The following DIPK1C variants were observed in gnomAD, a reference collection of about 807,000 sequenced individuals.
DIPK1C encodes the protein divergent protein kinase domain 1C.
In DIPK1C, 33 loss-of-function variants were observed where a neutral mutation model predicts 28.0. The observed-to-expected ratio is 1.18, with a 90% CI of 0.89 to 1.58. DIPK1C has a LOEUF of 1.58. Among genes scored for constraint, DIPK1C ranks in the 40% most tolerant of loss-of-function variants. DIPK1C has a pLI of 0.00. For synonymous variants in DIPK1C, 255 were observed against 248.8 expected (o/e 1.02, Z -0.23); for missense variants, 569 against 568.5 (o/e 1.00, Z -0.01).
At chr18:74,453,798 G>A (rs920667936) in intron 1 of DIPK1C, among the ~76,000 whole-genome samples, 3 of 152,180 alleles carry the variant, frequency 2.0e-5, no homozygotes, top group African/African-American at 4.8e-5. Context: ...CATATTCACC[G>A]TGTGAAGCAG....
intron 3 of DIPK1C, among the ~76,000 whole-genome samples, chr18:74,441,193 C>T (rs1438359590): frequency 1.3e-5 from 2 of 152,168 alleles, no homozygotes; most frequent in East Asian, 1.9e-4. Context: ...GTGGAGGGCC[C>T]ACTAGGGGAG....
At position 74,446,752 on chromosome 18, in the gene DIPK1C, C is replaced by A. The variant is rs1293808194; in HGVS notation, c.730G>T (p.Ala244Ser). Residue 244 changes from alanine to serine, a missense_variant, in exon 2 of 4, where the codon GCC (alanine) becomes TCC (serine). Coordinates refer to ENST00000343998, the MANE Select transcript of DIPK1C (RefSeq NM_001044369.3). ...GCCTTGGCCTGGCCACCCCCAGGGG[C>A]ACCTGGGGCCCGGTCCAGGGGGAAG... ...ALFPLDRAPGAPGGGQAKAIS... is the reference protein window; with the variant it reads ...ALFPLDRAPGSPGGGQAKAIS... 6.5e-7 allele frequency: 1 copy of A among 1,528,688 alleles called. No homozygotes were observed. Among genetic ancestry groups the A allele is most frequent in the Admixed American group, 2.1e-5 (1 of 46,780 alleles). 94.7% of individuals were successfully genotyped at this position (1,528,688 alleles called of 1,614,324 possible). A position where few individuals can be genotyped will look rare whatever the true frequency, so the allele number is the denominator to read the frequency against.
chr18:74,441,932 G>A lies in DIPK1C; in HGVS notation c.1041+20C>T. 6.2e-7 allele frequency: 1 copy of A among 1,608,862 alleles called. No individual in the cohort carries two copies. The highest frequency in any genetic ancestry group is 2.2e-5 in the East Asian group (1 of 44,770). ...CCAAAGAGCACCCTCTCCTCCCCCA[G>A]CCCTGGCGGACTCTCATACCTGCAG... On this transcript the variant is annotated intron_variant, in intron 3 of 3. Coordinates refer to ENST00000343998, the MANE Select transcript of DIPK1C (RefSeq NM_001044369.3).
At chr18:74,442,352 G>A (rs12968866) in intron 2 of DIPK1C, among the ~76,000 whole-genome samples, 29,884 of 151,676 alleles carry the variant, frequency 0.2, 3,619 homozygotes, top group Middle Eastern at 0.32. Context: ...TAATTGAGAC[G>A]GAGTCTCACT....
At chr18:74,446,563 G>C (rs1986264767) in intron 2 of DIPK1C, 43 bp downstream of exon 2, 1 of 1,394,564 alleles carries the variant, frequency 7.2e-7, no homozygotes, top group Non-Finnish European at 9.4e-7. Context: ...AGACCCGAGA[G>C]CTCCGTTCTC....
chr18:74,447,164 G>A lies in DIPK1C; in HGVS notation c.318C>T (p.Ala106=), dbSNP rs142998403. The stretch of plus-strand genomic sequence containing the variant: ...GGACCACGGGCCGGCCGCGCCAGTC[G>A]GCCTGCAGCACCTTCTTGCCTCTGT... ...HYNRGKKVLQ[A]DWRGRPVVLK... The change falls in exon 2 of 4, where the codon GCC becomes GCT. Residue 106 remains alanine, a synonymous_variant. Transcript: ENST00000343998. The surrounding 1 kb of genome is among the most constrained non-coding windows in gnomAD (Gnocchi z 4.1). The A allele has an allele frequency of 2.0e-5, 31 of 1,550,540 alleles. No homozygotes were observed. Among genetic ancestry groups the A allele is most frequent in the East Asian group, 2.0e-4 (8 of 40,910 alleles).
At chr18:74,449,250 A>C (rs1409390142) in intron 1 of DIPK1C, among the ~76,000 whole-genome samples, 1 of 152,220 alleles carries the variant, frequency 6.6e-6, no homozygotes, top group Non-Finnish European at 1.5e-5. Context: ...GTGAATTCGC[A>C]TACATTTTGC....
chr18:74,438,545 A>C (rs1268181229), intron 3 of DIPK1C, among the ~76,000 whole-genome samples: 2 of 152,250 alleles, frequency 1.3e-5, no homozygotes, highest in Non-Finnish European at 2.9e-5. Flanking sequence ...CAAACGCCAC[A>C]GATTCATTTT....
rs36019278 is a variant in DIPK1C, at chr18:74,452,592, T to TA, written c.198+4469dup. ...GCAAGACCCCTGTCTCTACAAAAAT[T>TA]AAAAAAAAAAAAAAATTAGCTGGGC... On this transcript the variant is annotated intron_variant, in intron 1 of 3. Transcript: ENST00000343998. Among the ~76,000 whole-genome samples, 305 of 138,932 alleles carry TA rather than the reference T, an allele frequency of 2.2e-3. 1 individual carries two copies. Among genetic ancestry groups the TA allele is most frequent in the African/African-American group, 5.8e-3 (218 of 37,678 alleles). The allele number at this position is 138,932 out of a possible 152,430, so 91.1% of individuals were successfully genotyped here. A position where few individuals can be genotyped will look rare whatever the true frequency, so the allele number is the denominator to read the frequency against.
upstream of DIPK1C, among the ~76,000 whole-genome samples, chr18:74,462,550 G>T (rs981457960): frequency 6.6e-6 from 1 of 151,768 alleles, no homozygotes; most frequent in Non-Finnish European, 1.5e-5. Flanking sequence ...TTTGGCTATT[G>T]TACACTGTGT....
Position 74,446,756 on chromosome 18 carries a change from T to C in DIPK1C, c.726A>G (p.Pro242=). The C allele has an allele frequency of 6.5e-7, 1 of 1,526,734 alleles. No homozygotes were observed. The highest frequency in any genetic ancestry group is 8.8e-7 in the Non-Finnish European group (1 of 1,134,602). 94.6% of individuals were successfully genotyped at this position (1,526,734 alleles called of 1,614,324 possible). ...HRALFPLDRA[P]GAPGGGQAKA... ...TGGCCTGGCCACCCCCAGGGGCACCTGGGGCCCGGTCCAGGGGGAAGAGTG... is the reference window on the plus strand; with the variant it reads ...TGGCCTGGCCACCCCCAGGGGCACCCGGGGCCCGGTCCAGGGGGAAGAGTG... The change falls in exon 2 of 4, where the codon CCA becomes CCG. Residue 242 remains proline (P), a synonymous_variant. Coordinates refer to ENST00000343998, the MANE Select transcript of DIPK1C (RefSeq NM_001044369.3).
At chr18:74,440,423 T>A (rs73972905) in intron 3 of DIPK1C, among the ~76,000 whole-genome samples, 193 of 152,300 alleles carry the variant, frequency 1.3e-3, no homozygotes, top group African/African-American at 4.4e-3. Context: ...AGAGAAGTAA[T>A]TCATTACAAT....
At chr18:74,458,385 A>G (rs1986565280), upstream of DIPK1C, among the ~76,000 whole-genome samples, 1 of 152,116 alleles carries the variant, frequency 6.6e-6, no homozygotes, top group Non-Finnish European at 1.5e-5. Flanking sequence ...GAGTTTAGAG[A>G]TAATAGAAAC....
intron 1 of DIPK1C, among the ~76,000 whole-genome samples, chr18:74,455,720 C>A (rs1986493162): frequency 2.7e-5 from 2 of 74,374 alleles, no homozygotes; most frequent in African/African-American, 5.4e-5. Context: ...AAGAGCAAAA[C>A]TCCATAAAAA....
chr18:74,435,850 C>A lies in DIPK1C; in HGVS notation c.*651G>T, dbSNP rs1188995197. 1 of 152,532 alleles carries A rather than the reference C, an allele frequency of 6.6e-6. No individual in the cohort carries two copies. The highest frequency in any genetic ancestry group is 1.5e-5 in the Non-Finnish European group (1 of 68,104). The allele number at this position is 152,532 out of a possible 1,614,324, so 9.4% of individuals were successfully genotyped here. On this transcript the variant is annotated 3_prime_UTR_variant, in exon 4 of 4. Coordinates refer to ENST00000343998, the MANE Select transcript of DIPK1C (RefSeq NM_001044369.3). ...CACCACTCCCCACCCTAACCCACAT[C>A]CCCAACACACTCACCTGCCCACACT...
At chr18:74,463,224 C>A in the DIPK1C span, among the ~76,000 whole-genome samples, 2 of 152,140 alleles carry the variant, frequency 1.3e-5, no homozygotes, top group Admixed American at 1.3e-4. Context: ...AGATGCTGAA[C>A]GTTATTTGCT....
chr18:74,454,993 C>T (rs982525656), intron 1 of DIPK1C, among the ~76,000 whole-genome samples: 6 of 152,158 alleles, frequency 3.9e-5, no homozygotes, highest in South Asian at 2.1e-4. Flanking sequence ...AGCGTCACAT[C>T]GACACCTAGG....
In DIPK1C at chr18:74,436,225, C is replaced by G; in HGVS notation, c.*276G>C. 3 of 478,084 alleles carry G rather than the reference C, an allele frequency of 6.3e-6. No homozygotes were observed. The highest frequency in any genetic ancestry group is 7.4e-6 in the Non-Finnish European group (2 of 269,224). 29.6% of individuals were successfully genotyped at this position (478,084 alleles called of 1,614,324 possible). On this transcript the variant is annotated 3_prime_UTR_variant, in exon 4 of 4. Coordinates refer to ENST00000343998, the MANE Select transcript of DIPK1C (RefSeq NM_001044369.3). ...AAGTGCTCTCTGCAGAGAATAAGTG[C>G]ACACAGGTTGGTGTCTTCTGACCGA...
chr18:74,440,010 T>A (rs1986084517), intron 3 of DIPK1C, among the ~76,000 whole-genome samples: 1 of 150,016 alleles, frequency 6.7e-6, no homozygotes, highest in African/African-American at 2.5e-5. Flanking sequence ...AGTGATGCAA[T>A]CTCGGCTCAC....
Sources: gnomAD v4.1 joint callset for allele counts (sites outside exome capture counted in the v4.1 genomes callset) on GRCh38, gnomAD v4.1.1 for gene constraint, Gnocchi (gnomAD v3.1) non-coding constraint, MANE v1.5 for transcripts, NCBI Gene and HGNC (gene_info 2026-07-23, HGNC 2026-07-21) for gene names.